Variants in CREM observed in about 807,000 individuals in gnomAD.
CREM encodes cAMP-responsive element modulator.
CREM carries 13 observed loss-of-function variants against 37.3 expected under a neutral mutation model. The ratio of observed to expected loss-of-function variants is 0.35; its 90% confidence interval spans 0.23 to 0.55. The LOEUF (loss-of-function observed/expected upper bound fraction) is 0.55, where lower values mean the gene tolerates loss of function less well. Among genes scored for constraint, CREM ranks in the 20% least tolerant of loss-of-function variants. The pLI is 0.88. For missense variants in CREM, 296 were observed against 362.3 expected (o/e 0.82, Z 1.49); for synonymous variants, 124 against 120.2 (o/e 1.03, Z -0.21).
chr10:35,189,474 T>C (rs1365111936), intron 6 of CREM, among the ~76,000 whole-genome samples: 5 of 152,032 alleles, frequency 3.3e-5, no homozygotes, highest in Non-Finnish European at 7.4e-5. Flanking sequence ...GCACTATTTT[T>C]TAAAAATTTG....
intron 7 of CREM, chr10:35,210,459 T>TG (rs2095641339): frequency 6.6e-6 from 1 of 152,236 alleles, no homozygotes; most frequent in South Asian, 2.1e-4. Context: ...TTTGGGCTTA[T>TG]AGTGCTTTAA....
intron 6 of CREM, chr10:35,195,294 G>A (rs2095105971): frequency 6.5e-7 from 1 of 1,533,122 alleles, no homozygotes. Flanking sequence ...ACATCTGAGT[G>A]TTTCAGAAAG....
At chr10:35,176,104 A>G in intron 3 of CREM, 1 of 1,408,652 alleles carries the variant, frequency 7.1e-7, no homozygotes, top group Non-Finnish European at 9.4e-7. Flanking sequence ...CTTATACGCA[A>G]ATCTTTTTAT....
chr10:35,152,921 C>CAT (rs2092684115), intron 3 of CREM, among the ~76,000 whole-genome samples: 1 of 152,066 alleles, frequency 6.6e-6, no homozygotes, highest in Non-Finnish European at 1.5e-5. Context: ...AATGATTCCA[C>CAT]ATATATATAA....
chr10:35,191,086 T>TTTTATGTATTTATTTATTTATTTATTTA (rs2094896840), intron 6 of CREM, among the ~76,000 whole-genome samples: 1 of 147,992 alleles, frequency 6.8e-6, no homozygotes, highest in African/African-American at 2.5e-5. Flanking sequence ...ACATTTTTCT[T>TTTTATGTATTTATTTATTTATTTATTTA]TTTATTTATT....
chr10:35,172,996 A>AC (rs2093894100), intron 3 of CREM, among the ~76,000 whole-genome samples: 2 of 152,228 alleles, frequency 1.3e-5, no homozygotes, highest in Non-Finnish European at 2.9e-5. Flanking sequence ...GAGCTTGACA[A>AC]TATTCATAGT....
At chr10:35,141,111 G>A (rs757610123) in intron 2 of CREM, among the ~76,000 whole-genome samples, 12 of 152,126 alleles carry the variant, frequency 7.9e-5, no homozygotes, top group Non-Finnish European at 1.6e-4. Context: ...TCTAAAAGAA[G>A]AACTAATTAT....
chr10:35,144,247 C>T (rs1009798086), intron 2 of CREM, among the ~76,000 whole-genome samples: 2 of 152,184 alleles, frequency 1.3e-5, no homozygotes, highest in Non-Finnish European at 2.9e-5. Context: ...CTCTGCCTTT[C>T]TCCCTAAGGC....
rs151276006 is a variant in CREM, at chr10:35,143,030, G to A, written c.44+5151G>A. ...TACTTACTAAGAATATACAGCAATG[G>A]CACAATCTTGGCTTACTGCAACCTC... On this transcript the variant is annotated intron_variant, in intron 2 of 7. Coordinates refer to ENST00000685392, the MANE Select transcript of CREM (RefSeq NM_183011.2). 7.9e-3 allele frequency among the ~76,000 whole-genome samples: 1,198 copies of A among 152,298 alleles called. 6 individuals are homozygous for A. The highest frequency in any genetic ancestry group is 0.011 in the Non-Finnish European group (776 of 68,020).
intron 2 of CREM, among the ~76,000 whole-genome samples, chr10:35,141,105 AAAG>A (rs2091358295): frequency 6.6e-6 from 1 of 152,196 alleles, no homozygotes; most frequent in African/African-American, 2.4e-5. Flanking sequence ...CTTATTTCTA[AAAG>A]AAGAACTAAT....
rs144027773 is a variant in CREM, at chr10:35,173,351, A to C, written c.169-5538A>C. Among the ~76,000 whole-genome samples the C allele has an allele frequency of 3.0e-3, 463 of 152,312 alleles. 2 individuals are homozygous for C. The highest frequency in any genetic ancestry group is 7.8e-3 in the African/African-American group (324 of 41,570). On this transcript the variant is annotated intron_variant, in intron 3 of 7. Transcript: ENST00000685392. Reference sequence around the variant, plus strand: ...TCTAACACGAGTCTTTGTGAGGCCCAGATTTTCTTCACATACCAACTAAAG... The same window carrying C: ...TCTAACACGAGTCTTTGTGAGGCCCCGATTTTCTTCACATACCAACTAAAG...
rs1165035857 is a variant in CREM, at chr10:35,190,740, C to T, written c.598+2352C>T. ...AGTGCAGTGGCACGATGGCTCACTGCAAGCTCCACCTCCCGGGTTCACGCC... is the reference window on the plus strand; with the variant it reads ...AGTGCAGTGGCACGATGGCTCACTGTAAGCTCCACCTCCCGGGTTCACGCC... On this transcript the variant is annotated intron_variant, in intron 6 of 7. Coordinates refer to ENST00000685392, the MANE Select transcript of CREM (RefSeq NM_183011.2). Among the ~76,000 whole-genome samples, 10 of 152,112 alleles carry T rather than the reference C, an allele frequency of 6.6e-5. No homozygotes were observed. The East Asian group carries it at 1.9e-3, about 29-fold the overall frequency.
chr10:35,204,266 A>T (rs1201933652), intron 6 of CREM, among the ~76,000 whole-genome samples: 1 of 152,234 alleles, frequency 6.6e-6, no homozygotes, highest in Non-Finnish European at 1.5e-5. Flanking sequence ...ACAAAAACAA[A>T]TTTAGGACTT....
At chr10:35,143,785 A>C (rs2091747870) in intron 2 of CREM, among the ~76,000 whole-genome samples, 1 of 152,158 alleles carries the variant, frequency 6.6e-6, no homozygotes, top group Non-Finnish European at 1.5e-5. Flanking sequence ...GGTGGGAAGC[A>C]ACAGTGGGGA....
chr10:35,211,454 T>C lies in CREM; in HGVS notation c.*56T>C. ...ATCAAGGCAGGAGATGCAGCAGTCCTACTTATTGCCATGTGGACTTGTGGG... is the reference window on the plus strand; with the variant it reads ...ATCAAGGCAGGAGATGCAGCAGTCCCACTTATTGCCATGTGGACTTGTGGG... On this transcript the variant is annotated 3_prime_UTR_variant, in exon 8 of 8. Coordinates refer to ENST00000685392, the MANE Select transcript of CREM (RefSeq NM_183011.2). 3.2e-6 allele frequency: 5 copies of C among 1,576,112 alleles called. No homozygotes were observed. Among genetic ancestry groups the C allele is most frequent in the Non-Finnish European group, 3.4e-6 (4 of 1,159,556 alleles).
At chr10:35,138,724 T>C (rs1589290125) in intron 2 of CREM, among the ~76,000 whole-genome samples, 1 of 151,382 alleles carries the variant, frequency 6.6e-6, no homozygotes, top group East Asian at 1.9e-4. Flanking sequence ...AATTTATTAC[T>C]AAAAAAAATT....
At chr10:35,132,026 C>T (rs970792106) in intron 1 of CREM, among the ~76,000 whole-genome samples, 2 of 151,908 alleles carry the variant, frequency 1.3e-5, no homozygotes, top group African/African-American at 4.8e-5. Context: ...CATGGTGAAA[C>T]CCCGTCTCTA....
chr10:35,190,823 G>A (rs767346754), intron 6 of CREM, among the ~76,000 whole-genome samples: 3 of 151,844 alleles, frequency 2.0e-5, no homozygotes, highest in Non-Finnish European at 4.4e-5. Flanking sequence ...CACCATGTCC[G>A]ACTAATTTTT....
chr10:35,191,284 G>A (rs1406119002), intron 6 of CREM, among the ~76,000 whole-genome samples: 2 of 151,774 alleles, frequency 1.3e-5, no homozygotes, highest in African/African-American at 2.4e-5. Flanking sequence ...ATTTTAAGTC[G>A]ATCTTTTATC....
Sources: gnomAD v4.1 joint callset for allele counts (sites outside exome capture counted in the v4.1 genomes callset) on GRCh38, gnomAD v4.1.1 for gene constraint, MANE v1.5 for transcripts, NCBI Gene and HGNC (gene_info 2026-07-23, HGNC 2026-07-21) for gene names.